The following MAGI2 variants were observed in gnomAD, a reference collection of about 807,000 sequenced individuals.
The protein encoded by MAGI2 is membrane associated guanylate kinase, WW and PDZ domain containing 2.
In MAGI2, 35 loss-of-function variants were observed where a neutral mutation model predicts 133.3. The ratio of observed to expected loss-of-function variants is 0.26; its 90% CI spans 0.20 to 0.35. MAGI2 has a LOEUF of 0.35. Ranked by LOEUF, MAGI2 falls within the 10% of genes least tolerant of loss-of-function variation. The pLI is 1.00. For missense variants in MAGI2, 1,636 were observed against 1,863.4 expected, an observed-to-expected ratio of 0.88 and a Z score of 2.25; for synonymous variants, 729 against 710.6, an observed-to-expected ratio of 1.03 and a Z score of -0.41.
chr7:78,337,282 G>T (rs951638284), intron 9 of MAGI2, among the ~76,000 whole-genome samples: 5 of 152,150 alleles, frequency 3.3e-5, no homozygotes, highest in Non-Finnish European at 7.3e-5. Flanking sequence ...GAAACCTTCT[G>T]GAACATCATA....
chr7:78,506,281 A>T (rs576815945), intron 4 of MAGI2, among the ~76,000 whole-genome samples: 2 of 152,190 alleles, frequency 1.3e-5, no homozygotes, highest in East Asian at 3.9e-4. Flanking sequence ...GGGAAGGAGG[A>T]GTAGGATTCT....
At chr7:79,288,249 G>C (rs1836177464) in intron 1 of MAGI2, among the ~76,000 whole-genome samples, 2 of 152,110 alleles carry the variant, frequency 1.3e-5, no homozygotes, top group South Asian at 4.1e-4. Context: ...TCTTCATCTA[G>C]AGAATGGGAA....
chr7:78,454,303 C>T (rs576306305), intron 6 of MAGI2, among the ~76,000 whole-genome samples: 64 of 152,146 alleles, frequency 4.2e-4, no homozygotes, highest in Non-Finnish European at 7.5e-4. Flanking sequence ...AGAACTTTTC[C>T]CCCTATTTGA....
chr7:78,762,876 A>T (rs551227932), intron 2 of MAGI2, among the ~76,000 whole-genome samples: 21 of 152,340 alleles, frequency 1.4e-4, no homozygotes, highest in Non-Finnish European at 2.6e-4. Flanking sequence ...AGTGAAAAAA[A>T]TGGGTAAATA....
At chr7:79,302,615 C>T (rs1837475405) in intron 1 of MAGI2, among the ~76,000 whole-genome samples, 1 of 151,894 alleles carries the variant, frequency 6.6e-6, no homozygotes, top group Non-Finnish European at 1.5e-5. Context: ...ACAGGAGATG[C>T]AAAAAGATGT....
chr7:79,268,273 C>T (rs962446993), intron 1 of MAGI2, among the ~76,000 whole-genome samples: 2 of 152,078 alleles, frequency 1.3e-5, no homozygotes, highest in Admixed American at 6.6e-5. Flanking sequence ...CTGGAAATGT[C>T]TTGTATGAAA....
intron 6 of MAGI2, among the ~76,000 whole-genome samples, chr7:78,414,598 T>C (rs1798136113): frequency 6.6e-6 from 1 of 152,032 alleles, no homozygotes; most frequent in African/African-American, 2.4e-5. Context: ...GATTTTTTTT[T>C]CCTTAACACA....
At chr7:78,544,176 A>C (rs1004635169) in intron 3 of MAGI2, among the ~76,000 whole-genome samples, 6 of 152,214 alleles carry the variant, frequency 3.9e-5, no homozygotes, top group Non-Finnish European at 8.8e-5. Context: ...AATTTGGCTT[A>C]AACTGGTAGT....
chr7:78,711,769 G>A (rs1484561672), intron 2 of MAGI2, among the ~76,000 whole-genome samples: 1 of 152,196 alleles, frequency 6.6e-6, no homozygotes, highest in Non-Finnish European at 1.5e-5. Flanking sequence ...ATAGAAGAGA[G>A]CGTTGATGTT....
chr7:78,739,448 C>T (rs1026983045), intron 2 of MAGI2, among the ~76,000 whole-genome samples: 5 of 152,092 alleles, frequency 3.3e-5, no homozygotes, highest in Non-Finnish European at 5.9e-5. Flanking sequence ...AACGAGGTGC[C>T]ACTACTGAAA....
At chr7:79,192,194 G>C (rs577878914) in intron 1 of MAGI2, among the ~76,000 whole-genome samples, 14 of 151,638 alleles carry the variant, frequency 9.2e-5, no homozygotes, top group Middle Eastern at 3.4e-3. Context: ...ACCATTTGAC[G>C]TACTTTACCT....
At chr7:79,168,713 T>C (rs1291754540) in intron 1 of MAGI2, among the ~76,000 whole-genome samples, 2 of 151,938 alleles carry the variant, frequency 1.3e-5, no homozygotes, top group Non-Finnish European at 2.9e-5. Flanking sequence ...GAATTTGCTA[T>C]AAACAGGAGA....
intron 15 of MAGI2, among the ~76,000 whole-genome samples, chr7:78,166,431 A>AT (rs1407623754): frequency 6.6e-6 from 1 of 152,222 alleles, no homozygotes; most frequent in Non-Finnish European, 1.5e-5. Context: ...CCTGGCATCT[A>AT]GCCCAAGGAT....
chr7:79,054,419 C>A (rs1485080628), intron 1 of MAGI2, among the ~76,000 whole-genome samples: 1 of 152,118 alleles, frequency 6.6e-6, no homozygotes, highest in African/African-American at 2.4e-5. Context: ...ACCCTATTCT[C>A]TCTTCCTGAC....
chr7:79,355,987 C>A (rs1434185388), intron 1 of MAGI2, among the ~76,000 whole-genome samples: 1 of 152,006 alleles, frequency 6.6e-6, no homozygotes, highest in African/African-American at 2.4e-5. Context: ...AAATTAAATT[C>A]TTTGTAGCAG....
At position 79,236,721 on chromosome 7, in the gene MAGI2, A is replaced by G. The variant is rs556045392; in HGVS notation, c.301+216299T>C. Among the ~76,000 whole-genome samples the G allele has an allele frequency of 2.0e-5, 3 of 152,374 alleles. No homozygotes were observed. The East Asian group carries it at 5.8e-4, about 29-fold the overall frequency. On this transcript the variant is annotated intron_variant, in intron 1 of 21. Coordinates refer to ENST00000354212, the MANE Select transcript of MAGI2 (RefSeq NM_012301.4). Reference sequence around the variant, plus strand: ...CTGATTTGTCACAGAACATTTTAATATCATTGATTTTTAATAGCAAAAAAA... The same window carrying G: ...CTGATTTGTCACAGAACATTTTAATGTCATTGATTTTTAATAGCAAAAAAA...
chr7:78,298,570 C>T (rs367683263), intron 9 of MAGI2, among the ~76,000 whole-genome samples: 6 of 152,270 alleles, frequency 3.9e-5, no homozygotes, highest in South Asian at 2.1e-4. Flanking sequence ...ATGGTGTGAT[C>T]TCTGCTCACT....
chr7:78,702,940 A>G (rs1231043721), intron 2 of MAGI2, among the ~76,000 whole-genome samples: 1 of 151,920 alleles, frequency 6.6e-6, no homozygotes, highest in Non-Finnish European at 1.5e-5. Flanking sequence ...CTGTTGAGTC[A>G]TGGGTTAAAA....
At chr7:78,462,840 G>A (rs1201604815) in intron 6 of MAGI2, among the ~76,000 whole-genome samples, 2 of 152,162 alleles carry the variant, frequency 1.3e-5, no homozygotes, top group Non-Finnish European at 2.9e-5. Context: ...AACCCGCGTG[G>A]TTCCTGAAAA....
Sources: gnomAD v4.1 joint callset for allele counts (sites outside exome capture counted in the v4.1 genomes callset) on GRCh38, gnomAD v4.1.1 for gene constraint, MANE v1.5 for transcripts, NCBI Gene and HGNC (gene_info 2026-07-23, HGNC 2026-07-21) for gene names.